The following CNTNAP2 variants were observed in gnomAD, a reference collection of about 807,000 sequenced individuals.
CNTNAP2 encodes contactin associated protein 2.
In CNTNAP2, 98 loss-of-function variants were observed where a neutral mutation model predicts 155.2. The observed-to-expected ratio is 0.63, with a 90% CI of 0.54 to 0.75. The LOEUF is 0.75. CNTNAP2 is among the 30% of genes least tolerant of loss of function. CNTNAP2 has a pLI of 0.00. For synonymous variants in CNTNAP2, 651 were observed against 631.2 expected (o/e 1.03, Z -0.47); for missense variants, 1,727 against 1,688.1 (o/e 1.02, Z -0.40).
At chr7:148,318,636 C>A (rs974244057) in intron 21 of CNTNAP2, among the ~76,000 whole-genome samples, 3 of 152,180 alleles carry the variant, frequency 2.0e-5, no homozygotes, top group African/African-American at 7.2e-5. Context: ...ATGCTTTTAA[C>A]AAAGCAGGTG....
At chr7:148,286,526 A>G (rs111898007) in intron 21 of CNTNAP2, among the ~76,000 whole-genome samples, 9 of 152,310 alleles carry the variant, frequency 5.9e-5, no homozygotes, top group African/African-American at 1.9e-4. Flanking sequence ...CCTAATTACT[A>G]TTTTTTAAAA....
chr7:147,314,787 A>G (rs997191123), intron 9 of CNTNAP2, among the ~76,000 whole-genome samples: 24 of 151,412 alleles, frequency 1.6e-4, no homozygotes, highest in Non-Finnish European at 3.6e-4. Context: ...AAGGGCAGAA[A>G]ATACATGTAA....
chr7:147,164,418 C>T (rs1347724166), intron 8 of CNTNAP2, among the ~76,000 whole-genome samples: 2 of 152,184 alleles, frequency 1.3e-5, no homozygotes, highest in African/African-American at 2.4e-5. Context: ...GGTTCCCATT[C>T]AGATGTGCTT....
At chr7:147,951,821 C>T (rs1425595260) in intron 14 of CNTNAP2, among the ~76,000 whole-genome samples, 2 of 151,764 alleles carry the variant, frequency 1.3e-5, no homozygotes, top group Admixed American at 6.6e-5. Flanking sequence ...CTAATGCATG[C>T]GGGGCTTAAA....
chr7:147,150,903 G>A (rs1477728355), intron 8 of CNTNAP2, among the ~76,000 whole-genome samples: 1 of 152,110 alleles, frequency 6.6e-6, no homozygotes, highest in Non-Finnish European at 1.5e-5. Context: ...GAAACCCAAA[G>A]GACTATAAAG....
chr7:147,070,953 G>A (rs760599532), intron 4 of CNTNAP2, among the ~76,000 whole-genome samples: 69 of 152,126 alleles, frequency 4.5e-4, no homozygotes, highest in Non-Finnish European at 1.5e-4. Flanking sequence ...GTGTGTGTGT[G>A]TGTATTTGCT....
intron 8 of CNTNAP2, among the ~76,000 whole-genome samples, chr7:147,264,268 A>G (rs1563138670): frequency 1.3e-5 from 2 of 152,182 alleles, no homozygotes; most frequent in Non-Finnish European, 2.9e-5. Flanking sequence ...GAGGACAGCA[A>G]TCCAAAACCA....
intron 11 of CNTNAP2, among the ~76,000 whole-genome samples, chr7:147,497,749 T>G (rs1035418074): frequency 1.2e-4 from 19 of 152,162 alleles, no homozygotes; most frequent in Admixed American, 1.3e-4. Flanking sequence ...AGAGTTTGAA[T>G]GACATAGATA....
At chr7:148,310,529 G>A (rs1797576710) in intron 21 of CNTNAP2, among the ~76,000 whole-genome samples, 1 of 152,190 alleles carries the variant, frequency 6.6e-6, no homozygotes. Flanking sequence ...GAGGCAGAAA[G>A]TCCTAAACCG....
intron 20 of CNTNAP2, among the ~76,000 whole-genome samples, chr7:148,242,386 T>A (rs1210830806): frequency 1.3e-5 from 2 of 152,180 alleles, no homozygotes; most frequent in Admixed American, 1.3e-4. Flanking sequence ...GAGAAGTCAG[T>A]CCTGGGATTG....
At chr7:148,201,318 C>T (rs1795366770) in intron 18 of CNTNAP2, among the ~76,000 whole-genome samples, 2 of 152,188 alleles carry the variant, frequency 1.3e-5, no homozygotes, top group African/African-American at 4.8e-5. Context: ...GCTCTTGCTA[C>T]TCTAATCAAA....
At chr7:147,493,670 A>T (rs1337190523) in intron 11 of CNTNAP2, among the ~76,000 whole-genome samples, 1 of 152,184 alleles carries the variant, frequency 6.6e-6, no homozygotes, top group Admixed American at 6.5e-5. Flanking sequence ...GTTCACCAGG[A>T]TTGTGATCTA....
chr7:146,974,097 T>G (rs2129234458), intron 3 of CNTNAP2, among the ~76,000 whole-genome samples: 1 of 152,280 alleles, frequency 6.6e-6, no homozygotes, highest in South Asian at 2.1e-4. Context: ...ATAATCATAG[T>G]TATGTTGTTG....
intron 3 of CNTNAP2, among the ~76,000 whole-genome samples, chr7:146,852,321 T>G (rs773438282): frequency 9.9e-5 from 15 of 152,272 alleles, no homozygotes; most frequent in Non-Finnish European, 1.6e-4. Context: ...GCATCAACCT[T>G]CATTAACTCA....
At chr7:146,154,109 T>C (rs1470025269) in intron 1 of CNTNAP2, among the ~76,000 whole-genome samples, 1 of 152,094 alleles carries the variant, frequency 6.6e-6, no homozygotes, top group Non-Finnish European at 1.5e-5. Flanking sequence ...AGACTGTGAT[T>C]GAAAAAAAAG....
At chr7:148,369,181 CTTTTTTTTTTTTTTT>C (rs376460265) in intron 21 of CNTNAP2, among the ~76,000 whole-genome samples, 12 of 92,306 alleles carry the variant, frequency 1.3e-4, no homozygotes, top group Admixed American at 3.4e-4. Context: ...AATTGAATCC[CTTTTTTTTTTTTTTT>C]TTTTTTTTTT....
intron 9 of CNTNAP2, among the ~76,000 whole-genome samples, chr7:147,312,287 T>A (rs1795141509): frequency 6.6e-6 from 1 of 152,022 alleles, no homozygotes; most frequent in Non-Finnish European, 1.5e-5. Flanking sequence ...ATACTTCAAG[T>A]TTTAGGGTAC....
chr7:146,642,302 T>TC (rs1194924707), intron 1 of CNTNAP2, among the ~76,000 whole-genome samples: 1 of 98,402 alleles, frequency 1.0e-5, no homozygotes, highest in Non-Finnish European at 1.9e-5. Flanking sequence ...AAGCTATCCC[T>TC]CCCCCCTCCC....
intron 13 of CNTNAP2, among the ~76,000 whole-genome samples, chr7:147,676,942 C>T (rs1442531272): frequency 6.6e-6 from 1 of 151,852 alleles, no homozygotes; most frequent in African/African-American, 2.4e-5. Context: ...GATTCCATCT[C>T]AGCTGTTGTG....
Sources: allele counts gnomAD v4.1 joint callset (sites outside exome capture counted in the v4.1 genomes callset), GRCh38; gene constraint gnomAD v4.1.1; transcripts MANE v1.5; gene names NCBI Gene and HGNC (gene_info 2026-07-23, HGNC 2026-07-21).